ZDHHC22: variants seen among roughly 807,000 people sequenced by gnomAD.
ZDHHC22 encodes zDHHC palmitoyltransferase 22.
A neutral mutation model predicts 17.0 loss-of-function variants in ZDHHC22; 13 were observed. The ratio of observed to expected loss-of-function variants is 0.76; its 90% CI spans 0.50 to 1.21. The LOEUF (loss-of-function observed/expected upper bound fraction) is 1.21. ZDHHC22 is among the 50% of genes most tolerant of loss of function. The pLI is 0.00. For synonymous variants in ZDHHC22, 138 were observed against 154.7 expected (o/e 0.89, Z 0.80); for missense variants, 319 against 342.3 (o/e 0.93, Z 0.54).
At chr14:77,134,456 A>C (rs1887097736) in intron 2 of ZDHHC22, among the ~76,000 whole-genome samples, 1 of 152,248 alleles carries the variant, frequency 6.6e-6, no homozygotes, top group Non-Finnish European at 1.5e-5. Context: ...AGGACTCAGG[A>C]AAATGACAGC....
At chr14:77,136,835 A>T (rs768123779) in intron 2 of ZDHHC22, among the ~76,000 whole-genome samples, 2 of 152,098 alleles carry the variant, frequency 1.3e-5, no homozygotes, top group Non-Finnish European at 2.9e-5. Flanking sequence ...CAGTGGCATG[A>T]TCATAGCTCA....
intron 1 of ZDHHC22, 96 bp from the exon 2 acceptor site, chr14:77,139,848 G>A (rs1431919353): frequency 2.4e-6 from 3 of 1,240,246 alleles, no homozygotes; most frequent in Non-Finnish European, 2.2e-6. Flanking sequence ...GGCACTGCAC[G>A]CGACTCCACG....
At chr14:77,138,927 A>G (rs1471850321) in intron 2 of ZDHHC22, among the ~76,000 whole-genome samples, 1 of 152,180 alleles carries the variant, frequency 6.6e-6, no homozygotes, top group Non-Finnish European at 1.5e-5. Context: ...GATGGATGAG[A>G]ATGATGGGGG....
At chr14:77,138,132 T>C (rs1409511854) in intron 2 of ZDHHC22, among the ~76,000 whole-genome samples, 1 of 151,660 alleles carries the variant, frequency 6.6e-6, no homozygotes, top group Non-Finnish European at 1.5e-5. Flanking sequence ...AAGGCCAGGG[T>C]AGGGAGGAAG....
At chr14:77,136,571 AG>A (rs1169872928) in intron 2 of ZDHHC22, among the ~76,000 whole-genome samples, 2 of 152,204 alleles carry the variant, frequency 1.3e-5, no homozygotes, top group Non-Finnish European at 2.9e-5. Context: ...CAAAGCCAAA[AG>A]AAAGGGTAAC....
chr14:77,138,026 G>A (rs1046979058), intron 2 of ZDHHC22, among the ~76,000 whole-genome samples: 4 of 152,264 alleles, frequency 2.6e-5, no homozygotes, highest in South Asian at 2.1e-4. Flanking sequence ...TCTGAGTCTC[G>A]GTTTCATCAT....
In ZDHHC22 at chr14:77,133,697, G is replaced by A; in HGVS notation, c.778C>T (p.Gln260Ter). 6.2e-7 allele frequency: 1 copy of A among 1,613,672 alleles called. No homozygotes were observed. The highest frequency in any genetic ancestry group is 1.1e-5 in the South Asian group (1 of 91,024). ...GGGAGTGTCTACTACTTATCCTGCT[G>A]CTTGGAGCTCTCACTTCCGACATTG... ...MFNVGSESSK[Q>*]QDK Residue 260 changes from glutamine to a stop codon, truncating the protein, a stop_gained, in exon 3 of 3, where the codon CAG (glutamine) becomes TAG (stop). Transcript: ENST00000319374. LOFTEE classifies it high-confidence loss of function.
At position 77,140,207 on chromosome 14, in the gene ZDHHC22, A is replaced by G. The variant is rs1207141504; in HGVS notation, c.-14-455T>C. Among the ~76,000 whole-genome samples, 1 of 151,936 alleles carries G rather than the reference A, an allele frequency of 6.6e-6. No individual in the cohort carries two copies. The highest frequency in any genetic ancestry group is 1.5e-5 in the Non-Finnish European group (1 of 67,962). ...GGGGCAGGAGAATCAGCGGCACTTGACCTGCTGGAAATCCTGCTTCACACT... is the reference window on the plus strand; with the variant it reads ...GGGGCAGGAGAATCAGCGGCACTTGGCCTGCTGGAAATCCTGCTTCACACT... On this transcript the variant is annotated intron_variant, in intron 1 of 2. Transcript: ENST00000319374. This position sits in a 1 kb window ranked among gnomAD's most constrained non-coding sequence, Gnocchi z 5.9.
In ZDHHC22 at chr14:77,133,528, C is replaced by G; in HGVS notation, c.*155G>C. On this transcript the variant is annotated 3_prime_UTR_variant, in exon 3 of 3. Transcript: ENST00000319374. ...TTTCCTCCTTGTCATGATCCACCAG[C>G]TCACGCTGTTCTCATGGGTGGAAGG... 1 of 1,055,784 alleles carries G rather than the reference C, an allele frequency of 9.5e-7. No individual in the cohort carries two copies. Among genetic ancestry groups the G allele is most frequent in the Non-Finnish European group, 1.3e-6 (1 of 762,146 alleles). The allele number at this position is 1,055,784 out of a possible 1,614,324, so 65.4% of individuals were successfully genotyped here.
At chr14:77,137,408 C>A (rs1264272951) in intron 2 of ZDHHC22, among the ~76,000 whole-genome samples, 1 of 152,222 alleles carries the variant, frequency 6.6e-6, no homozygotes, top group Non-Finnish European at 1.5e-5. Flanking sequence ...CAAATCAAAC[C>A]ATTTCAAGGT....
At position 77,140,014 on chromosome 14, in the gene ZDHHC22, C is replaced by T. The variant is rs974378422; in HGVS notation, c.-14-262G>A. On this transcript the variant is annotated intron_variant, in intron 1 of 2. Coordinates refer to ENST00000319374, the MANE Select transcript of ZDHHC22 (RefSeq NM_174976.2). This position sits in a 1 kb window ranked among gnomAD's most constrained non-coding sequence, Gnocchi z 5.9. ...GAGCGAGCTCGGCGCCTTGGCGCGG[C>T]AGAGTCTGGCACAGGAGGGAGGGAC... 2.6e-5 allele frequency among the ~76,000 whole-genome samples: 4 copies of T among 152,112 alleles called. No individual in the cohort carries two copies. Among genetic ancestry groups the T allele is most frequent in the African/African-American group, 7.2e-5 (3 of 41,412 alleles).
chr14:77,133,640 G>T lies in ZDHHC22; in HGVS notation c.*43C>A. 6.3e-7 allele frequency: 1 copy of T among 1,580,128 alleles called. No homozygotes were observed. The highest frequency in any genetic ancestry group is 8.6e-7 in the Non-Finnish European group (1 of 1,162,230). ...GGCTGCCATGGTTTTATGCTCAGGA[G>T]GAGTCAAGACAGAGACAGAGAGATA... is the stretch of plus-strand genomic sequence containing the variant. On this transcript the variant is annotated 3_prime_UTR_variant, in exon 3 of 3. Transcript: ENST00000319374.
At chr14:77,135,220 AC>A (rs1887113792) in intron 2 of ZDHHC22, among the ~76,000 whole-genome samples, 1 of 144,430 alleles carries the variant, frequency 6.9e-6, no homozygotes, top group Non-Finnish European at 1.5e-5. Context: ...TAAGGACTCC[AC>A]CTTACAACCT....
At position 77,139,499 on chromosome 14, in the gene ZDHHC22, C is replaced by T; in HGVS notation, c.240G>A (p.Gln80=). The change falls in exon 2 of 3, where the codon CAG becomes CAA. Residue 80 remains glutamine, a synonymous_variant. Coordinates refer to ENST00000319374, the MANE Select transcript of ZDHHC22 (RefSeq NM_174976.2). ...ATGGAGTCTTCCTGGCCGAGGCCCC[C>T]TGGCAGGCCCCCAGGTCGTCTGGGG... ...QNSPDDLGAC[Q]GASARKTPCP... is the part of the protein sequence containing the mutation. 2.5e-6 allele frequency: 4 copies of T among 1,612,402 alleles called. No individual in the cohort carries two copies. Among genetic ancestry groups the T allele is most frequent in the Non-Finnish European group, 2.5e-6 (3 of 1,179,330 alleles).
At chr14:77,134,347 G>A (rs1887095901) in intron 2 of ZDHHC22, among the ~76,000 whole-genome samples, 1 of 152,170 alleles carries the variant, frequency 6.6e-6, no homozygotes, top group Admixed American at 6.5e-5. Flanking sequence ...CTCAGGAGGA[G>A]AGAGGGGTGA....
rs1887115591 is a variant in ZDHHC22, at chr14:77,135,299, C to A, written c.527-1351G>T. Among the ~76,000 whole-genome samples, 6 of 152,074 alleles carry A rather than the reference C, an allele frequency of 3.9e-5. No homozygotes were observed. The South Asian group carries it at 1.2e-3, about 32-fold the overall frequency. ...AGCCTTCTCTTGCCCCAGCCCACCT[C>A]TTCCCAAGTCTCTCCAACCTCCAAT... On this transcript the variant is annotated intron_variant, in intron 2 of 2. Transcript: ENST00000319374.
intron 2 of ZDHHC22, among the ~76,000 whole-genome samples, chr14:77,134,351 G>A (rs1046327124): frequency 2.6e-5 from 4 of 152,156 alleles, no homozygotes; most frequent in Non-Finnish European, 5.9e-5. Context: ...GGAGGAGAGA[G>A]GGGTGAGCTG....
At chr14:77,133,969 A>G (rs963297309) in intron 2 of ZDHHC22, 21 bp from the exon 3 acceptor site, 108 of 1,542,970 alleles carry the variant, frequency 7.0e-5, no homozygotes, top group Non-Finnish European at 9.3e-5. Context: ...CGGGGAGGGG[A>G]AACACCAGAG....
rs750130647 is a variant in ZDHHC22 at position 77,139,583 on chromosome 14, C to T, written c.156G>A (p.Ala52=). Residue 52 remains alanine, a synonymous_variant, in exon 2 of 3, where the codon GCG becomes GCA. Transcript: ENST00000319374. Reference sequence around the variant, plus strand: ...CGTTGGCCGAGAGGAATAGGAAGAGCGCCCCGTGGAGCAGGGCGGGCGAGA... The same window carrying T: ...CGTTGGCCGAGAGGAATAGGAAGAGTGCCCCGTGGAGCAGGGCGGGCGAGA... The part of the protein sequence containing the change: ...RLFSPALLHG[A]LFLFLSANAL... 21 of 1,595,732 alleles carry T rather than the reference C, an allele frequency of 1.3e-5. No individual in the cohort carries two copies. In the African/African-American group the frequency reaches 2.8e-4, roughly 21 times the overall value.
Sources: gnomAD v4.1 joint callset for allele counts (sites outside exome capture counted in the v4.1 genomes callset) on GRCh38, gnomAD v4.1.1 for gene constraint, Gnocchi (gnomAD v3.1) non-coding constraint, MANE v1.5 for transcripts, NCBI Gene and HGNC (gene_info 2026-07-23, HGNC 2026-07-21) for gene names.